The following UBR4 variants were observed in gnomAD, a reference collection of about 807,000 sequenced individuals.
UBR4 encodes E3 ubiquitin-protein ligase UBR4.
Under a neutral mutation model 575.6 loss-of-function variants are expected in UBR4, and 124 were observed. That is an observed-to-expected ratio of 0.22 (90% CI 0.19 to 0.25). The LOEUF (loss-of-function observed/expected upper bound fraction) is 0.25. Among genes scored for constraint, UBR4 ranks in the 10% least tolerant of loss-of-function variants. UBR4 has a pLI of 1.00. For synonymous variants in UBR4, 2,455 were observed against 2,473.7 expected (o/e 0.99, Z 0.22); for missense variants, 4,818 against 6,478.8 (o/e 0.74, Z 8.80).
chr1:19,164,429 T>G lies in UBR4; in HGVS notation c.4524A>C (p.Glu1508Asp). Residue 1508 changes from glutamate (E) to aspartate (D), a missense_variant, in exon 33 of 106, where the codon GAA (glutamate) becomes GAC (aspartate). Glu to Asp is a conservative substitution (Grantham distance 45, BLOSUM62 2). Coordinates refer to ENST00000375254, the MANE Select transcript of UBR4 (RefSeq NM_020765.3). ...YIVRENSQVG[E>D]GVCAVLLGTL... ...TGCCCAGAAGAACAGCACACACACCTTCCCCAACTTGGCTAGGAGAAAAGA... is the reference window on the plus strand; with the variant it reads ...TGCCCAGAAGAACAGCACACACACCGTCCCCAACTTGGCTAGGAGAAAAGA... 1 of 1,613,544 alleles carries G rather than the reference T, an allele frequency of 6.2e-7. No homozygotes were observed. The highest frequency in any genetic ancestry group is 1.1e-5 in the South Asian group (1 of 90,926).
At position 19,110,288 on chromosome 1, in the gene UBR4, G is replaced by T; in HGVS notation, c.11978-65C>A. On this transcript the variant is annotated intron_variant, in intron 80 of 105. Transcript: ENST00000375254. The surrounding 1 kb of genome is among the most constrained non-coding windows in gnomAD (Gnocchi z 4.5). ...ACTACACATCTGCTCTGCAGAGGCC[G>T]CCCAAGCATCAGTTTCCCTCCTCCC... The T allele has an allele frequency of 6.2e-7, 1 of 1,612,896 alleles. No individual in the cohort carries two copies. The highest frequency in any genetic ancestry group is 8.5e-7 in the Non-Finnish European group (1 of 1,179,080).
At position 19,199,768 on chromosome 1, in the gene UBR4, A is replaced by G; in HGVS notation, c.275-14T>C. The G allele has an allele frequency of 6.2e-7, 1 of 1,607,816 alleles. No individual in the cohort carries two copies. The highest frequency in any genetic ancestry group is 8.5e-7 in the Non-Finnish European group (1 of 1,174,284). Reference sequence around the variant, plus strand: ...GGTTCCGGGGAACTGAGAAAGTAATAAACATTACTCAATTTCAGACTGCTC... The same window carrying G: ...GGTTCCGGGGAACTGAGAAAGTAATGAACATTACTCAATTTCAGACTGCTC... On this transcript the variant is annotated splice_polypyrimidine_tract_variant and intron_variant, in intron 2 of 105. Transcript: ENST00000375254.
rs756952562 is a variant in UBR4, at chr1:19,077,861, G to A, written c.15324+115C>T. The A allele has an allele frequency of 6.0e-5, 95 of 1,573,234 alleles. No individual in the cohort carries two copies. In the African/African-American group the frequency reaches 9.4e-4, roughly 15 times the overall value. ...GGTTGTTTGTTTCTAGGAAAAAAGC[G>A]CCCCCAGGCCCAGCGGAGGAGCAGC... On this transcript the variant is annotated intron_variant, in intron 104 of 105. Coordinates refer to ENST00000375254, the MANE Select transcript of UBR4 (RefSeq NM_020765.3).
chr1:19,182,758 A>C (rs770330152), intron 17 of UBR4, among the ~76,000 whole-genome samples: 1 of 152,198 alleles, frequency 6.6e-6, no homozygotes, highest in Non-Finnish European at 1.5e-5. Flanking sequence ...ATATATAACA[A>C]TATAGATGAA....
intron 58 of UBR4, among the ~76,000 whole-genome samples, chr1:19,140,309 CCT>C (rs1178185379): frequency 1.3e-5 from 2 of 151,770 alleles, no homozygotes. Context: ...CCATAAAAAC[CCT>C]CTCTCTCAAG....
chr1:19,144,876 A>G lies in UBR4; in HGVS notation c.7977T>C (p.Ala2659=). 1 of 1,614,142 alleles carries G rather than the reference A, an allele frequency of 6.2e-7. No individual in the cohort carries two copies. Among genetic ancestry groups the G allele is most frequent in the Non-Finnish European group, 8.5e-7 (1 of 1,180,008 alleles). Residue 2659 remains alanine (A), a synonymous_variant, in exon 54 of 106, where the codon GCT becomes GCC. Coordinates refer to ENST00000375254, the MANE Select transcript of UBR4 (RefSeq NM_020765.3). ...GLTHIEATVN[A]LVDIIHGYCT... ...AGTAGCCATGGATGATGTCCACCAG[A>G]GCATTGACAGTAGCTTCAATATGAG...
At chr1:19,178,806 AT>A (rs1314277767) in intron 18 of UBR4, among the ~76,000 whole-genome samples, 1 of 152,192 alleles carries the variant, frequency 6.6e-6, no homozygotes, top group Non-Finnish European at 1.5e-5. Flanking sequence ...TCTGTTCAAG[AT>A]TGTGGTTCCA....
At chr1:19,115,667 C>T (rs1242166312) in intron 73 of UBR4, 30 bp from the exon 74 acceptor site, 3 of 1,611,796 alleles carry the variant, frequency 1.9e-6, no homozygotes, top group African/African-American at 1.3e-5. Flanking sequence ...TTGAGATTTT[C>T]TCATCTAACC....
In UBR4 at chr1:19,110,714, G is replaced by A. The variant is rs774481839; in HGVS notation, c.11892+28C>T. ...AGGCATGTGAGGGGAAGTCAGAGAG[G>A]ACAGCTGGGCCTGCTAGGCCGGCTC... On this transcript the variant is annotated intron_variant, in intron 79 of 105. Transcript: ENST00000375254. This position sits in a 1 kb window ranked among gnomAD's most constrained non-coding sequence, Gnocchi z 4.5. The A allele has an allele frequency of 6.2e-7, 1 of 1,611,130 alleles. No homozygotes were observed.
chr1:19,141,283 C>T, intron 57 of UBR4, 64 bp downstream of exon 57: 1 of 1,609,300 alleles, frequency 6.2e-7, no homozygotes, highest in Non-Finnish European at 8.5e-7. Context: ...ATATCAGTAA[C>T]TGCCAAACCC....
rs200597402 is a variant in UBR4 at position 19,161,575 on chromosome 1, G to A, written c.5175+14C>T. ...AACAAGCCACCCTTTATAGCTCAGG[G>A]AGGGTCCTCTCACCAAACAGCTGCC... On this transcript the variant is annotated intron_variant, in intron 37 of 105. Transcript: ENST00000375254. 1,391 of 1,592,796 alleles carry A rather than the reference G, an allele frequency of 8.7e-4. 2 individuals are homozygous for A. The highest frequency in any genetic ancestry group is 1.1e-3 in the Non-Finnish European group (1,294 of 1,170,372).
In UBR4 at chr1:19,093,774, C is replaced by T. The variant is rs1014465456; in HGVS notation, c.13937+175G>A. 6.6e-6 allele frequency among the ~76,000 whole-genome samples: 1 copy of T among 152,192 alleles called. No homozygotes were observed. The highest frequency in any genetic ancestry group is 1.5e-5 in the Non-Finnish European group (1 of 68,030). On this transcript the variant is annotated intron_variant, in intron 95 of 105. Transcript: ENST00000375254. This position sits in a 1 kb window ranked among gnomAD's most constrained non-coding sequence, Gnocchi z 4.8. ...GCCTTCTCTGACTAGCCAATTGCTA[C>T]TCTAATACAGTATATTTTAACTATT...
chr1:19,193,681 T>A (rs1301655625), intron 8 of UBR4, 124 bp from the exon 9 acceptor site: 1 of 1,288,874 alleles, frequency 7.8e-7, no homozygotes, highest in East Asian at 2.5e-5. Flanking sequence ...ATAAATGCCA[T>A]TAAGAGCAAG....
intron 64 of UBR4, 76 bp downstream of exon 64, chr1:19,126,370 C>A: frequency 6.4e-7 from 1 of 1,568,684 alleles, no homozygotes. Flanking sequence ...GCCCCTTGAG[C>A]TCTCTGCACC....
Position 19,161,134 on chromosome 1 carries a change from C to G in UBR4, c.5189G>C (p.Arg1730Thr). ...AGAGCTCATGCCACTGCTAGGAGTT[C>G]TCTTCACCAGAGCCTAGGGACAGAA... The part of the protein sequence containing the change: ...EDGSCLALVK[R>T]TPSSGMSSTM... Residue 1730 changes from arginine (R) to threonine (T), a missense_variant, in exon 38 of 106, where the codon AGA (arginine) becomes ACA (threonine). Coordinates refer to ENST00000375254, the MANE Select transcript of UBR4 (RefSeq NM_020765.3). The G allele has an allele frequency of 6.2e-7, 1 of 1,614,006 alleles. No homozygotes were observed. Among genetic ancestry groups the G allele is most frequent in the South Asian group, 1.1e-5 (1 of 91,036 alleles).
At position 19,186,621 on chromosome 1, in the gene UBR4, T is replaced by C. The variant is rs1163361525; in HGVS notation, c.1669A>G (p.Ser557Gly). 1 of 1,614,140 alleles carries C rather than the reference T, an allele frequency of 6.2e-7. No homozygotes were observed. The highest frequency in any genetic ancestry group is 1.1e-5 in the South Asian group (1 of 91,084). ...TCGGTGGAGGCGCTGGCATCGCTGCTCATGGAGCCCTTCCTCTGCCGCTGC... is the reference window on the plus strand; with the variant it reads ...TCGGTGGAGGCGCTGGCATCGCTGCCCATGGAGCCCTTCCTCTGCCGCTGC... ...VLQRQRKGSM[S>G]SDASASTDSN... Residue 557 changes from serine (S) to glycine (G), a missense_variant, in exon 14 of 106, where the codon AGC becomes GGC. Coordinates refer to ENST00000375254, the MANE Select transcript of UBR4 (RefSeq NM_020765.3).
chr1:19,091,374 G>A (rs569729954), intron 97 of UBR4, among the ~76,000 whole-genome samples: 1 of 152,322 alleles, frequency 6.6e-6, no homozygotes, highest in African/African-American at 2.4e-5. Context: ...AAGTTACCAT[G>A]TTTTTGGAAT....
intron 97 of UBR4, 42 bp downstream of exon 97, chr1:19,092,777 T>C (rs1298725304): frequency 6.6e-7 from 1 of 1,516,668 alleles, no homozygotes; most frequent in Non-Finnish European, 9.0e-7. Context: ...GTAGTTATAC[T>C]TGTACCCCTG....
At chr1:19,147,217 T>C (rs537850475) in intron 51 of UBR4, among the ~76,000 whole-genome samples, 2 of 152,348 alleles carry the variant, frequency 1.3e-5, no homozygotes, top group Admixed American at 6.5e-5. Flanking sequence ...ATAAAAACCC[T>C]GCAGTATCAA....
Sources: allele counts gnomAD v4.1 joint callset (sites outside exome capture counted in the v4.1 genomes callset), GRCh38; gene constraint gnomAD v4.1.1; non-coding constraint Gnocchi (gnomAD v3.1); transcripts MANE v1.5; gene names NCBI Gene and HGNC (gene_info 2026-07-23, HGNC 2026-07-21).